CSGALNACT1: variants seen among roughly 807,000 people sequenced by gnomAD.
CSGALNACT1 encodes beta4GalNAcT-1.
CSGALNACT1 carries 52 observed loss-of-function variants against 51.0 expected under a neutral mutation model. The observed-to-expected ratio is 1.02, with a 90% CI of 0.82 to 1.29. The LOEUF (loss-of-function observed/expected upper bound fraction) is 1.29. Among genes scored for constraint, CSGALNACT1 ranks in the 50% most tolerant of loss-of-function variants. The pLI is 0.00. For missense variants in CSGALNACT1, 935 were observed against 679.2 expected (o/e 1.38, Z -4.19); for synonymous variants, 341 against 254.4 (o/e 1.34, Z -3.24).
intron 1 of CSGALNACT1, among the ~76,000 whole-genome samples, chr8:19,652,083 C>A (rs1200682972): frequency 6.6e-6 from 1 of 151,972 alleles, no homozygotes; most frequent in East Asian, 1.9e-4. Context: ...GTGTACACCA[C>A]CACACCCAGC....
At chr8:19,608,662 A>T (rs1400130303) in intron 1 of CSGALNACT1, among the ~76,000 whole-genome samples, 1 of 152,222 alleles carries the variant, frequency 6.6e-6, no homozygotes, top group Non-Finnish European at 1.5e-5. Flanking sequence ...TTTGAGATGC[A>T]GAATGAGTAA....
chr8:19,435,140 G>C (rs2060185840), intron 6 of CSGALNACT1, among the ~76,000 whole-genome samples: 1 of 152,146 alleles, frequency 6.6e-6, no homozygotes, highest in African/African-American at 2.4e-5. Context: ...AGATGAACTT[G>C]TAATGTAGTA....
rs563756161 is a variant in CSGALNACT1, at chr8:19,711,277, G to C, written c.-297+46573C>G. Among the ~76,000 whole-genome samples, 21 of 152,240 alleles carry C rather than the reference G, an allele frequency of 1.4e-4. 1 individual carries two copies. In the South Asian group the frequency reaches 3.9e-3, roughly 29 times the overall value. On this transcript the variant is annotated intron_variant, in intron 1 of 1. Transcript: ENST00000517494. ...GTTTTAAAACCGATATTTTTATCCTGAAATATTTATTAATCAATTTTAAAG... is the reference window on the plus strand; with the variant it reads ...GTTTTAAAACCGATATTTTTATCCTCAAATATTTATTAATCAATTTTAAAG...
Position 19,700,849 on chromosome 8 carries a change from T to C in CSGALNACT1, c.-297+57001A>G, listed in dbSNP as rs146897205. Among the ~76,000 whole-genome samples the C allele has an allele frequency of 3.5e-3, 530 of 152,322 alleles. 4 individuals carry two copies. The highest frequency in any genetic ancestry group is 0.012 in the African/African-American group (517 of 41,562). On this transcript the variant is annotated intron_variant, in intron 1 of 1. Coordinates refer to the CSGALNACT1 transcript ENST00000517494. Reference sequence around the variant, plus strand: ...GTAGCCCCTAGTTTCCCATATCATATCCATCCTTCCCTTTCTCTTAGTAAC... The same window carrying C: ...GTAGCCCCTAGTTTCCCATATCATACCCATCCTTCCCTTTCTCTTAGTAAC...
chr8:19,417,107 G>T (rs868045806), intron 8 of CSGALNACT1, among the ~76,000 whole-genome samples: 1 of 151,972 alleles, frequency 6.6e-6, no homozygotes, highest in South Asian at 2.1e-4. Flanking sequence ...TGCCCATCTC[G>T]GCCTCCCAAA....
At chr8:19,617,471 T>C (rs1026043920) in intron 1 of CSGALNACT1, among the ~76,000 whole-genome samples, 2 of 152,234 alleles carry the variant, frequency 1.3e-5, no homozygotes, top group African/African-American at 2.4e-5. Flanking sequence ...ATATAGACTG[T>C]GTTCATCTTT....
intron 4 of CSGALNACT1, 122 bp downstream of exon 3, chr8:19,505,079 T>G: frequency 8.5e-6 from 9 of 1,064,216 alleles, no homozygotes; most frequent in South Asian, 7.7e-5. Context: ...GTCACACACA[T>G]AAAACTTTCC....
intron 6 of CSGALNACT1, among the ~76,000 whole-genome samples, chr8:19,421,444 A>G (rs549074862): frequency 4.3e-4 from 66 of 152,326 alleles, no homozygotes; most frequent in African/African-American, 1.5e-3. Flanking sequence ...CTTCTACCAG[A>G]TAATACTAGA....
At position 19,505,221 on chromosome 8, in the gene CSGALNACT1, G is replaced by A. The variant is rs146273214; in HGVS notation, c.614C>T (p.Thr205Met). 1.1e-4 allele frequency: 185 copies of A among 1,614,118 alleles called. No individual in the cohort carries two copies. In the East Asian group the frequency reaches 2.2e-3, roughly 19 times the overall value. ...CTAACCTTCTATGAAATCAGAGGCC[G>A]TGTAAGGACGGTGATTGGGGCTGTT... is the stretch of plus-strand genomic sequence containing the variant. Residue 205 changes from threonine to methionine, a missense_variant, in exon 4 of 10, where the codon ACG becomes ATG. Physicochemically the swap from Thr to Met is moderately conservative, Grantham distance 81. Transcript: ENST00000454498.
At chr8:19,626,359 C>G (rs1231265160) in intron 1 of CSGALNACT1, among the ~76,000 whole-genome samples, 5 of 151,782 alleles carry the variant, frequency 3.3e-5, no homozygotes, top group African/African-American at 1.2e-4. Flanking sequence ...GGTGTCGGAA[C>G]AACTGGCTAT....
At chr8:19,454,817 T>C (rs1372860870) in intron 5 of CSGALNACT1, among the ~76,000 whole-genome samples, 1 of 152,232 alleles carries the variant, frequency 6.6e-6, no homozygotes, top group Non-Finnish European at 1.5e-5. Context: ...CCAACCACTT[T>C]TTGTTTTGCA....
intron 1 of CSGALNACT1, among the ~76,000 whole-genome samples, chr8:19,628,016 C>T (rs575096291): frequency 9.9e-5 from 15 of 151,962 alleles, no homozygotes; most frequent in Non-Finnish European, 1.6e-4. Context: ...CAACTTCTTG[C>T]GAGTCTAAAA....
chr8:19,721,358 T>C (rs2063119268), intron 1 of CSGALNACT1, among the ~76,000 whole-genome samples: 1 of 152,204 alleles, frequency 6.6e-6, no homozygotes, highest in Admixed American at 6.5e-5. Context: ...ATCAACAAAG[T>C]ACAGAAATCA....
intron 1 of CSGALNACT1, among the ~76,000 whole-genome samples, chr8:19,729,254 C>T (rs1451129044): frequency 6.6e-6 from 1 of 152,170 alleles, no homozygotes; most frequent in African/African-American, 2.4e-5. Flanking sequence ...GAAGGACTCT[C>T]AGCTCACTCT....
At position 19,505,196 on chromosome 8, in the gene CSGALNACT1, C is replaced by CTA. The variant is rs767462576; in HGVS notation, c.634+3_634+4dup. 26 of 1,614,150 alleles carry CTA rather than the reference C, an allele frequency of 1.6e-5. No individual in the cohort carries two copies. The highest frequency in any genetic ancestry group is 2.2e-5 in the Non-Finnish European group (26 of 1,180,010). The stretch of plus-strand genomic sequence containing the variant: ...TCCTTTCCCCCCAATTCACAAAATG[C>CTA]TAACCTTCTATGAAATCAGAGGCCG... On this transcript the variant is annotated splice_donor_region_variant and intron_variant, in intron 4 of 9. Transcript: ENST00000454498.
intron 1 of CSGALNACT1, among the ~76,000 whole-genome samples, chr8:19,638,422 C>T (rs2056364276): frequency 6.6e-6 from 1 of 152,108 alleles, no homozygotes; most frequent in African/African-American, 2.4e-5. Flanking sequence ...TTGGACCTCG[C>T]CTTCTTTTTC....
At chr8:19,631,756 G>T (rs2154170238) in intron 1 of CSGALNACT1, among the ~76,000 whole-genome samples, 1 of 152,256 alleles carries the variant, frequency 6.6e-6, no homozygotes, top group Admixed American at 6.5e-5. Context: ...CCTCATAAAG[G>T]CACTTTCTTT....
intron 5 of CSGALNACT1, among the ~76,000 whole-genome samples, chr8:19,446,007 T>C (rs2062050223): frequency 6.6e-6 from 1 of 152,154 alleles, no homozygotes; most frequent in Non-Finnish European, 1.5e-5. Context: ...AAACCCCATG[T>C]CTATTAAAAA....
intron 1 of CSGALNACT1, among the ~76,000 whole-genome samples, chr8:19,752,142 A>ATACG (rs1554475720): frequency 2.0e-5 from 3 of 147,262 alleles, no homozygotes; most frequent in African/African-American, 7.4e-5. Context: ...ATATTATATG[A>ATACG]TATTATATGA....
Sources: gnomAD v4.1 joint callset for allele counts (sites outside exome capture counted in the v4.1 genomes callset) on GRCh38, gnomAD v4.1.1 for gene constraint, MANE v1.5 for transcripts, NCBI Gene and HGNC (gene_info 2026-07-23, HGNC 2026-07-21) for gene names.